PGLYRP2: variants seen among roughly 807,000 people sequenced by gnomAD.
The protein encoded by PGLYRP2 is peptidoglycan recognition protein 2, also known as N-acetylmuramoyl-L-alanine amidase.
Under a neutral mutation model 46.2 loss-of-function variants are expected in PGLYRP2, and 38 were observed. The ratio of observed to expected loss-of-function variants is 0.82; its 90% CI spans 0.64 to 1.08. The LOEUF (loss-of-function observed/expected upper bound fraction) is 1.08, where lower values mean the gene tolerates loss of function less well. Among genes scored for constraint, PGLYRP2 ranks in the 50% least tolerant of loss-of-function variants. The probability of loss-of-function intolerance (pLI) is 0.00; values close to 1 mark genes in which losing one functional copy is unlikely to be tolerated. For synonymous variants in PGLYRP2, 289 were observed against 329.4 expected, an observed-to-expected ratio of 0.88 and a Z score of 1.33; for missense variants, 713 against 755.9, an observed-to-expected ratio of 0.94 and a Z score of 0.67.
rs1388564962 is a variant in PGLYRP2, at chr19:15,475,537, C to A, written c.1132+1G>T. On this transcript the variant is annotated splice_donor_variant, in intron 2 of 4. Transcript: ENST00000340880. LOFTEE classifies it high-confidence loss of function. Reference sequence around the variant, plus strand: ...TCACAGGGTGTGGGGAACTTCCTCACCCAGGAAGGCCTCAGTGAATTCCTT... The same window carrying A: ...TCACAGGGTGTGGGGAACTTCCTCAACCAGGAAGGCCTCAGTGAATTCCTT... 2.5e-6 allele frequency: 4 copies of A among 1,587,096 alleles called. No homozygotes were observed. In the South Asian group the frequency reaches 4.6e-5, roughly 18 times the overall value.
chr19:15,472,194 C>T, intron 2 of PGLYRP2, 94 bp from the exon 3 acceptor site: 1 of 1,080,606 alleles, frequency 9.3e-7, no homozygotes, highest in South Asian at 1.5e-5. Context: ...CATCCCTCAG[C>T]CTCCTCTCAG....
In PGLYRP2 at chr19:15,469,020, G is replaced by A; in HGVS notation, c.1642-268C>T. ...TCAAGGGCTGGGATGAGGTCATCAG[G>A]TCAAAGTTGTGCTGGCATAAGAGTT... On this transcript the variant is annotated intron_variant, in intron 4 of 4. Coordinates refer to ENST00000340880, the MANE Select transcript of PGLYRP2 (RefSeq NM_052890.4). The surrounding 1 kb of genome is among the most constrained non-coding windows in gnomAD (Gnocchi z 4.9). 2.0e-6 allele frequency: 1 copy of A among 511,252 alleles called. No homozygotes were observed. The highest frequency in any genetic ancestry group is 1.9e-5 in the African/African-American group (1 of 52,458). 31.7% of individuals were successfully genotyped at this position (511,252 alleles called of 1,614,324 possible). A position where few individuals can be genotyped will look rare whatever the true frequency, so the allele number is the denominator to read the frequency against.
At position 15,472,162 on chromosome 19, in the gene PGLYRP2, G is replaced by T. The variant is rs10413421; in HGVS notation, c.1133-62C>A. On this transcript the variant is annotated intron_variant, in intron 2 of 4. Coordinates refer to ENST00000340880, the MANE Select transcript of PGLYRP2 (RefSeq NM_052890.4). ...TGTTTCTCTGCCTGTTCCTCCACCCGCATTAAAGCGCACATACAGACCATC... is the reference window on the plus strand; with the variant it reads ...TGTTTCTCTGCCTGTTCCTCCACCCTCATTAAAGCGCACATACAGACCATC... The T allele has an allele frequency of 8.4e-3, 11,312 of 1,352,392 alleles. 735 individuals carry two copies. In the African/African-American group the frequency reaches 0.14, roughly 17 times the overall value. The allele number at this position is 1,352,392 out of a possible 1,614,324, so 83.8% of individuals were successfully genotyped here.
In PGLYRP2 at chr19:15,476,350, T is replaced by C. The variant is rs1251716650; in HGVS notation, c.320A>G (p.Glu107Gly). 6.2e-7 allele frequency: 1 copy of C among 1,614,068 alleles called. No homozygotes were observed. Among genetic ancestry groups the C allele is most frequent in the South Asian group, 1.1e-5 (1 of 91,070 alleles). Residue 107 changes from glutamate to glycine, a missense_variant, in exon 2 of 5, where the codon GAA (glutamate) becomes GGA (glycine). Physicochemically the swap from Glu to Gly is moderately conservative, Grantham distance 98. Coordinates refer to ENST00000340880, the MANE Select transcript of PGLYRP2 (RefSeq NM_052890.4). ...ATCAGGTGCCAGCACCACCCCATAT[T>C]CCTTCCCTTCTCGTACGTCATGTCG... The part of the protein sequence containing the change: ...VARHDVREGK[E>G]YGVVLAPDGS...
intron 1 of PGLYRP2, 60 bp from the exon 2 acceptor site, chr19:15,476,668 A>C: frequency 7.4e-7 from 1 of 1,349,698 alleles, no homozygotes; most frequent in Middle Eastern, 2.6e-4. Context: ...CCTTGTATTG[A>C]TTCCACATCT....
Position 15,476,095 on chromosome 19 carries a change from G to A in PGLYRP2, c.575C>T (p.Ala192Val). 6.2e-7 allele frequency: 1 copy of A among 1,614,220 alleles called. No homozygotes were observed. Among genetic ancestry groups the A allele is most frequent in the Non-Finnish European group, 8.5e-7 (1 of 1,180,044 alleles). Residue 192 changes from alanine (A) to valine (V), a missense_variant, in exon 2 of 5, where the codon GCT becomes GTT. Physicochemically the swap from Ala to Val is moderately conservative, Grantham distance 64. Transcript: ENST00000340880. The stretch of plus-strand genomic sequence containing the variant: ...TTGGACATCTGGACAGCCTTTTGTA[G>A]CATCTGGAGTGTTGGCTCCAATATC... ...TADIGANTPD[A>V]TKGCPDVQAS...
chr19:15,469,151 A>G lies in PGLYRP2; in HGVS notation c.1642-399T>C. ...ATTAAGGACTGGACAGAGGTTGTGAAGGCAAAAGGTCACAGCCTAGGTTCA... is the reference window on the plus strand; with the variant it reads ...ATTAAGGACTGGACAGAGGTTGTGAGGGCAAAAGGTCACAGCCTAGGTTCA... On this transcript the variant is annotated intron_variant, in intron 4 of 4. Coordinates refer to ENST00000340880, the MANE Select transcript of PGLYRP2 (RefSeq NM_052890.4). This position sits in a 1 kb window ranked among gnomAD's most constrained non-coding sequence, Gnocchi z 4.9. The G allele has an allele frequency of 1.8e-6, 1 of 565,664 alleles. No individual in the cohort carries two copies. The highest frequency in any genetic ancestry group is 3.1e-6 in the Non-Finnish European group (1 of 318,220). 35.0% of individuals were successfully genotyped at this position (565,664 alleles called of 1,614,324 possible).
intron 1 of PGLYRP2, among the ~76,000 whole-genome samples, chr19:15,477,066 A>G (rs1309994213): frequency 6.6e-6 from 1 of 152,026 alleles, no homozygotes; most frequent in Non-Finnish European, 1.5e-5. Flanking sequence ...ATTGAAGTTA[A>G]AAATTGGGGA....
chr19:15,479,162 G>T, intron 1 of PGLYRP2, 149 bp downstream of exon 1: 1 of 796,676 alleles, frequency 1.3e-6, no homozygotes, highest in Non-Finnish European at 2.1e-6. Flanking sequence ...ACTCTGTGGA[G>T]CTGGGAATAT....
At chr19:15,473,411 A>G (rs1234585481) in intron 2 of PGLYRP2, among the ~76,000 whole-genome samples, 1 of 134,776 alleles carries the variant, frequency 7.4e-6, no homozygotes, top group Admixed American at 8.6e-5. Flanking sequence ...CAGAGGTTGC[A>G]GTGAGCTGAG....
intron 3 of PGLYRP2, 66 bp downstream of exon 3, chr19:15,471,824 C>A: frequency 6.5e-7 from 1 of 1,536,714 alleles, no homozygotes; most frequent in Non-Finnish European, 8.8e-7. Flanking sequence ...CTGCATCAGG[C>A]TCCGCCCACT....
At chr19:15,470,970 C>A (rs1427224259) in intron 3 of PGLYRP2, among the ~76,000 whole-genome samples, 5 of 151,816 alleles carry the variant, frequency 3.3e-5, no homozygotes, top group African/African-American at 1.2e-4. Flanking sequence ...GACGGGTTCT[C>A]GCTCTGTCAC....
At chr19:15,471,856 G>T (rs769082130) in intron 3 of PGLYRP2, 34 bp downstream of exon 3, 1 of 1,600,058 alleles carries the variant, frequency 6.2e-7, no homozygotes, top group Non-Finnish European at 8.5e-7. Context: ...CCCGAACGTG[G>T]GCCCCGCCCC....
intron 1 of PGLYRP2, among the ~76,000 whole-genome samples, chr19:15,477,519 G>A (rs558835235): frequency 1.3e-5 from 2 of 151,286 alleles, no homozygotes; most frequent in East Asian, 1.9e-4. Context: ...TCAACATGGC[G>A]AGACTCCGTC....
chr19:15,471,960 A>G lies in PGLYRP2; in HGVS notation c.1273T>C (p.Cys425Arg). 6.2e-7 allele frequency: 1 copy of G among 1,614,074 alleles called. No homozygotes were observed. The highest frequency in any genetic ancestry group is 8.5e-7 in the Non-Finnish European group (1 of 1,179,966). The change falls in exon 3 of 5, where the codon TGC becomes CGC. Residue 425 changes from cysteine (C) to arginine (R), a missense_variant. By Grantham distance (180) the Cys-to-Arg change is radical. Transcript: ENST00000340880. ...PAPPCTDFTR[C>R]AANMRSMQRY... ...TGCATGGAGCGCATGTTGGCTGCGC[A>G]GCGCGTGAAGTCCGTGCAGGGTGGT... is the stretch of plus-strand genomic sequence containing the variant.
chr19:15,469,784 G>A lies in PGLYRP2; in HGVS notation c.1489C>T (p.Arg497Cys). 3 of 1,511,830 alleles carry A rather than the reference G, an allele frequency of 2.0e-6. No individual in the cohort carries two copies. Among genetic ancestry groups the A allele is most frequent in the South Asian group, 2.5e-5 (2 of 80,292 alleles). The allele number at this position is 1,511,830 out of a possible 1,614,324, so 93.7% of individuals were successfully genotyped here. A position where few individuals can be genotyped will look rare whatever the true frequency, so the allele number is the denominator to read the frequency against. Reference sequence around the variant, plus strand: ...CTCGGGAGCGTGTCGCGCACCGTGCGCAGAGCGGCCTCGGTGGGCAGCGCC... The same window carrying A: ...CTCGGGAGCGTGTCGCGCACCGTGCACAGAGCGGCCTCGGTGGGCAGCGCC... Reference protein sequence around the residue: ...TAALPTEAALRTVRDTLPSCA... With the variant: ...TAALPTEAALCTVRDTLPSCA... The change falls in exon 4 of 5, where the codon CGC (arginine) becomes TGC (cysteine). Residue 497 changes from arginine to cysteine, a missense_variant. Arg to Cys is a radical substitution (Grantham distance 180). Coordinates refer to ENST00000340880, the MANE Select transcript of PGLYRP2 (RefSeq NM_052890.4). This position sits in a 1 kb window ranked among gnomAD's most constrained non-coding sequence, Gnocchi z 4.9.
Position 15,471,951 on chromosome 19 carries a change from T to C in PGLYRP2, c.1282A>G (p.Asn428Asp). ...TGGTAGCGCTGCATGGAGCGCATGT[T>C]GGCTGCGCAGCGCGTGAAGTCCGTG... ...PCTDFTRCAA[N>D]MRSMQRYHQD... The change falls in exon 3 of 5, where the codon AAC (asparagine) becomes GAC (aspartate). Residue 428 changes from asparagine to aspartate, a missense_variant. Transcript: ENST00000340880. 6.2e-7 allele frequency: 1 copy of C among 1,614,138 alleles called. No homozygotes were observed. Among genetic ancestry groups the C allele is most frequent in the Non-Finnish European group, 8.5e-7 (1 of 1,179,974 alleles).
Position 15,469,762 on chromosome 19 carries a change from G to C in PGLYRP2, c.1511C>G (p.Pro504Arg), listed in dbSNP as rs768621266. The change falls in exon 4 of 5, where the codon CCG becomes CGG. Residue 504 changes from proline to arginine, a missense_variant. Pro to Arg is a moderately radical substitution (Grantham distance 103). Transcript: ENST00000340880. This position sits in a 1 kb window ranked among gnomAD's most constrained non-coding sequence, Gnocchi z 4.9. ...GAGGCCGGCGCGCACCGCACAACTC[G>C]GGAGCGTGTCGCGCACCGTGCGCAG... ...AALRTVRDTL[P>R]SCAVRAGLLR... 5.3e-6 allele frequency: 8 copies of C among 1,508,260 alleles called. No homozygotes were observed. Among genetic ancestry groups the C allele is most frequent in the Non-Finnish European group, 7.0e-6 (8 of 1,136,540 alleles). 93.4% of individuals were successfully genotyped at this position (1,508,260 alleles called of 1,614,324 possible). A position where few individuals can be genotyped will look rare whatever the true frequency, so the allele number is the denominator to read the frequency against.
chr19:15,478,079 G>A (rs1970813942), intron 1 of PGLYRP2, among the ~76,000 whole-genome samples: 1 of 152,200 alleles, frequency 6.6e-6, no homozygotes, highest in Non-Finnish European at 1.5e-5. Flanking sequence ...AGGTGTGCTG[G>A]CACATGCCTG....
Sources: allele counts gnomAD v4.1 joint callset (sites outside exome capture counted in the v4.1 genomes callset), GRCh38; gene constraint gnomAD v4.1.1; non-coding constraint Gnocchi (gnomAD v3.1); transcripts MANE v1.5; gene names NCBI Gene and HGNC (gene_info 2026-07-23, HGNC 2026-07-21).